The following LMNTD1 variants were observed in gnomAD, a reference collection of about 807,000 sequenced individuals.
LMNTD1 encodes lamin tail domain-containing protein 1.
In LMNTD1, 35 loss-of-function variants were observed where a neutral mutation model predicts 50.9. The observed-to-expected ratio is 0.69, with a 90% CI of 0.53 to 0.91. LMNTD1 has a LOEUF of 0.91. LMNTD1 is among the 40% of genes least tolerant of loss of function. The probability of loss-of-function intolerance (pLI) is 0.00; values close to 1 mark genes in which losing one functional copy is unlikely to be tolerated. For synonymous variants in LMNTD1, 153 were observed against 161.9 expected, an observed-to-expected ratio of 0.94 and a Z score of 0.42; for missense variants, 470 against 475.5, an observed-to-expected ratio of 0.99 and a Z score of 0.11.
At chr12:25,520,170 A>ATATATATATG (rs1326454338) in intron 6 of LMNTD1, 95 bp from the exon 7 acceptor site, 49 of 221,052 alleles carry the variant, frequency 2.2e-4, no homozygotes, top group Admixed American at 9.0e-4. Context: ...ATATATATAT[A>ATATATATATG]TATATAGTAA....
chr12:25,530,509 A>T (rs1025903893), intron 4 of LMNTD1, among the ~76,000 whole-genome samples: 4 of 152,320 alleles, frequency 2.6e-5, no homozygotes, highest in South Asian at 2.1e-4. Context: ...CTAGTTAATT[A>T]GATTGTCCAT....
intron 1 of LMNTD1, among the ~76,000 whole-genome samples, chr12:25,569,991 G>A (rs531307340): frequency 5.9e-5 from 9 of 152,242 alleles, no homozygotes; most frequent in Non-Finnish European, 1.2e-4. Flanking sequence ...TGAGGCAATC[G>A]ATGCCTTTAG....
In LMNTD1 at chr12:25,518,955, G is replaced by C. The variant is rs1010785899; in HGVS notation, c.1029C>G (p.Ile343Met). The change falls in exon 8 of 10, where the codon ATC becomes ATG. Residue 343 changes from isoleucine to methionine, a missense_variant. Transcript: ENST00000458174. ...AQVLLKREKE[I>M]PPTVFPNRSP... The stretch of plus-strand genomic sequence containing the variant: ...TGCGATTAGGGAAAACGGTTGGTGG[G>C]ATTTCCTTCTCTCTGTAAAAGAAAA... 5.6e-6 allele frequency: 9 copies of C among 1,614,002 alleles called. No homozygotes were observed. The highest frequency in any genetic ancestry group is 7.6e-6 in the Non-Finnish European group (9 of 1,179,958).
chr12:25,578,404 A>G (rs966241728), intron 1 of LMNTD1, among the ~76,000 whole-genome samples: 5 of 152,104 alleles, frequency 3.3e-5, no homozygotes, highest in Non-Finnish European at 7.4e-5. Flanking sequence ...AAATTACTCA[A>G]CTCCATAGCT....
In LMNTD1 at chr12:25,644,738, TAAG is replaced by T. The variant is rs141792601; in HGVS notation, c.58+3753_58+3755del. Among the ~76,000 whole-genome samples the T allele has an allele frequency of 2.7e-3, 416 of 152,192 alleles. 5 individuals are homozygous for T. The highest frequency in any genetic ancestry group is 0.026 in the East Asian group (135 of 5,174). On this transcript the variant is annotated intron_variant, in intron 1 of 7. Transcript: ENST00000445693. ...CTGCAGAATAGAAGGAGTTTAACTA[TAAG>T]AACAAGAATCCTTGGAAAGGTGAGG...
At chr12:25,524,293 T>C (rs537160860) in intron 6 of LMNTD1, among the ~76,000 whole-genome samples, 41 of 152,228 alleles carry the variant, frequency 2.7e-4, no homozygotes, top group Non-Finnish European at 5.0e-4. Flanking sequence ...AATATTTATG[T>C]TCTTTTTTCT....
chr12:25,639,821 AAC>A (rs1387105387), intron 1 of LMNTD1, among the ~76,000 whole-genome samples: 1 of 152,210 alleles, frequency 6.6e-6, no homozygotes, highest in Non-Finnish European at 1.5e-5. Context: ...TAAATATAAA[AAC>A]ACATATCCAC....
chr12:25,544,394 TG>T (rs1490416463), intron 4 of LMNTD1, among the ~76,000 whole-genome samples: 1 of 151,882 alleles, frequency 6.6e-6, no homozygotes, highest in Non-Finnish European at 1.5e-5. Flanking sequence ...TACTCTTTTT[TG>T]GTTTCCAGTT....
rs1173499696 is a variant in LMNTD1 at position 25,552,931 on chromosome 12, G to A, written c.29C>T (p.Ala10Val). 3.8e-6 allele frequency: 6 copies of A among 1,564,866 alleles called. No homozygotes were observed. Among genetic ancestry groups the A allele is most frequent in the Non-Finnish European group, 2.6e-6 (3 of 1,153,526 alleles). ...GACTTTATTCTGCATTGCCTTCGAA[G>A]CTTCCTGAATGTCTTGTGTATCTTT... MKDTQDIQE[A>V]SKAMQNKVHE... Residue 10 changes from alanine (A) to valine (V), a missense_variant, in exon 2 of 10, where the codon GCT becomes GTT. Ala to Val is a moderately conservative substitution (Grantham distance 64). Transcript: ENST00000458174.
In LMNTD1 at chr12:25,482,431, C is replaced by T. The variant is rs1050020706; in HGVS notation, c.*23-5971G>A. On this transcript the variant is annotated intron_variant, in intron 9 of 9. Transcript: ENST00000458174. ...AAGAAAAAAAAGAAACTGAAGCCTT[C>T]GATTTAACACAAATCTAAGTGCTAC... is the stretch of plus-strand genomic sequence containing the variant. 2.0e-4 allele frequency among the ~76,000 whole-genome samples: 30 copies of T among 151,858 alleles called. 2 individuals are homozygous for T. The highest frequency in any genetic ancestry group is 6.6e-4 in the African/African-American group (27 of 41,172).
chr12:25,542,670 A>G (rs190006599), intron 4 of LMNTD1, among the ~76,000 whole-genome samples: 57 of 151,976 alleles, frequency 3.8e-4, no homozygotes, highest in Admixed American at 1.8e-3. Context: ...ATGTATACAT[A>G]TGTAACTAAC....
chr12:25,496,993 C>T (rs1939098218), intron 9 of LMNTD1, among the ~76,000 whole-genome samples: 1 of 151,984 alleles, frequency 6.6e-6, no homozygotes, highest in South Asian at 2.1e-4. Flanking sequence ...TCTCATTTAA[C>T]ATAATGTTTC....
chr12:25,583,946 G>A (rs1439318727), intron 1 of LMNTD1, among the ~76,000 whole-genome samples: 1 of 152,188 alleles, frequency 6.6e-6, no homozygotes, highest in Non-Finnish European at 1.5e-5. Context: ...TTGAAATTAA[G>A]AGAATAAGAA....
intron 4 of LMNTD1, among the ~76,000 whole-genome samples, chr12:25,527,640 C>CTATA (rs61347000): frequency 4.2e-3 from 254 of 61,104 alleles, no homozygotes; most frequent in African/African-American, 5.3e-3. Flanking sequence ...CTTAATAACA[C>CTATA]TATATATATA....
intron 1 of LMNTD1, among the ~76,000 whole-genome samples, chr12:25,645,088 T>C (rs879294800): frequency 2.6e-5 from 4 of 152,152 alleles, no homozygotes; most frequent in Admixed American, 2.6e-4. Context: ...AAGGGCCTAT[T>C]TGAGGCCTGA....
chr12:25,516,167 T>C (rs533627452), intron 8 of LMNTD1, among the ~76,000 whole-genome samples: 3 of 152,266 alleles, frequency 2.0e-5, no homozygotes, highest in African/African-American at 7.2e-5. Context: ...TCTTTTGTGG[T>C]AGAAATCAAA....
chr12:25,602,597 C>T (rs1350053280), intron 1 of LMNTD1, among the ~76,000 whole-genome samples: 1 of 152,010 alleles, frequency 6.6e-6, no homozygotes. Flanking sequence ...TAATTGCTGA[C>T]AGTCAAAAGA....
At chr12:25,561,895 CCTT>C (rs1294974667) in intron 1 of LMNTD1, among the ~76,000 whole-genome samples, 1 of 152,100 alleles carries the variant, frequency 6.6e-6, no homozygotes, top group African/African-American at 2.4e-5. Context: ...TATGTAATGG[CCTT>C]CTTTGTCTCT....
chr12:25,536,844 C>T, intron 4 of LMNTD1, among the ~76,000 whole-genome samples: 1 of 152,248 alleles, frequency 6.6e-6, no homozygotes, highest in Non-Finnish European at 1.5e-5. Context: ...GAGTGCCAGA[C>T]AGTGGGCGCA....
Sources: gnomAD v4.1 joint callset for allele counts (sites outside exome capture counted in the v4.1 genomes callset) on GRCh38, gnomAD v4.1.1 for gene constraint, MANE v1.5 for transcripts, NCBI Gene and HGNC (gene_info 2026-07-23, HGNC 2026-07-21) for gene names.